Variants in PARD3 observed in about 807,000 individuals in gnomAD.
PARD3 encodes the protein par-3 family cell polarity regulator.
In PARD3, 75 loss-of-function variants were observed where a neutral mutation model predicts 155.4. That is an observed-to-expected ratio of 0.48 (90% CI 0.40 to 0.58). The LOEUF (loss-of-function observed/expected upper bound fraction) is 0.58. Ranked by LOEUF, PARD3 falls within the 20% of genes least tolerant of loss-of-function variation. PARD3 has a pLI of 0.00. For synonymous variants in PARD3, 576 were observed against 610.5 expected (o/e 0.94, Z 0.83); for missense variants, 1,642 against 1,721.7 (o/e 0.95, Z 0.82).
chr10:34,512,374 C>G (rs1195851638), intron 3 of PARD3, among the ~76,000 whole-genome samples: 5 of 152,134 alleles, frequency 3.3e-5, no homozygotes, highest in Non-Finnish European at 7.3e-5. Context: ...CTGTTGCTAT[C>G]TGTATTGATG....
intron 22 of PARD3, among the ~76,000 whole-genome samples, chr10:34,139,833 A>G (rs1948089927): frequency 6.6e-6 from 1 of 152,238 alleles, no homozygotes; most frequent in Non-Finnish European, 1.5e-5. Flanking sequence ...TTGGGGGGAT[A>G]AATGTCACTG....
At chr10:34,383,396 C>A (rs1288306202) in intron 8 of PARD3, among the ~76,000 whole-genome samples, 1 of 149,502 alleles carries the variant, frequency 6.7e-6, no homozygotes, top group Admixed American at 6.6e-5. Flanking sequence ...AAAATACACA[C>A]ACACACACAC....
intron 2 of PARD3, among the ~76,000 whole-genome samples, chr10:34,594,912 C>A (rs964744259): frequency 7.2e-5 from 11 of 152,160 alleles, no homozygotes; most frequent in African/African-American, 2.7e-4. Context: ...TGTGGTACAT[C>A]TTGGCCATGT....
At chr10:34,116,019 A>T (rs911387316) in intron 24 of PARD3, among the ~76,000 whole-genome samples, 1 of 152,220 alleles carries the variant, frequency 6.6e-6, no homozygotes, top group Non-Finnish European at 1.5e-5. Flanking sequence ...CCTATAATTT[A>T]TAATAAAAAA....
chr10:34,456,000 C>T (rs920410912), intron 4 of PARD3, among the ~76,000 whole-genome samples: 1 of 152,132 alleles, frequency 6.6e-6, no homozygotes, highest in Non-Finnish European at 1.5e-5. Flanking sequence ...TAACAGGTTT[C>T]CCCCACATTC....
intron 1 of PARD3, among the ~76,000 whole-genome samples, chr10:34,738,971 T>C (rs1408911965): frequency 6.6e-6 from 1 of 152,184 alleles, no homozygotes; most frequent in Non-Finnish European, 1.5e-5. Flanking sequence ...TAATGATTGA[T>C]ATATCTGAAC....
intron 22 of PARD3, among the ~76,000 whole-genome samples, chr10:34,148,501 TCAC>T (rs1219918873): frequency 6.6e-6 from 1 of 152,216 alleles, no homozygotes; most frequent in African/African-American, 2.4e-5. Flanking sequence ...TTTCATTTTG[TCAC>T]CACAACATTG....
chr10:34,630,443 CTTT>C (rs755155387), intron 2 of PARD3, among the ~76,000 whole-genome samples: 2 of 139,312 alleles, frequency 1.4e-5, no homozygotes, highest in Non-Finnish European at 1.6e-5. Flanking sequence ...CCCTCTCTCT[CTTT>C]TTTTTTTTTT....
rs553495446 is a variant in PARD3 at position 34,616,840 on chromosome 10, TG to T, written c.222+79477del. Among the ~76,000 whole-genome samples, 4 of 145,612 alleles carry T rather than the reference TG, an allele frequency of 2.7e-5. No individual in the cohort carries two copies. In the East Asian group the frequency reaches 8.1e-4, roughly 29 times the overall value. On this transcript the variant is annotated intron_variant, in intron 2 of 24. Transcript: ENST00000374788. ...GTCTCAGCTACTCAGGACACTGAGGTGGAAGAAACATATGAGCATGGGAGGT... is the reference window on the plus strand; with the variant it reads ...GTCTCAGCTACTCAGGACACTGAGGTGAAGAAACATATGAGCATGGGAGGT...
intron 2 of PARD3, among the ~76,000 whole-genome samples, chr10:34,656,445 GGA>G: frequency 6.6e-6 from 1 of 152,284 alleles, no homozygotes; most frequent in Non-Finnish European, 1.5e-5. Flanking sequence ...ACATATGAAA[GGA>G]GAGTGACGTG....
intron 3 of PARD3, among the ~76,000 whole-genome samples, chr10:34,492,225 A>G (rs1257108822): frequency 6.6e-6 from 1 of 152,170 alleles, no homozygotes; most frequent in Non-Finnish European, 1.5e-5. Context: ...TCAACATAAA[A>G]AGAAGAGTCA....
intron 3 of PARD3, among the ~76,000 whole-genome samples, chr10:34,507,550 A>AAAAAAAAAAAAAAAAAC (rs1554880669): frequency 7.7e-6 from 1 of 129,226 alleles, no homozygotes; most frequent in African/African-American, 3.6e-5. Flanking sequence ...TAAAAAAACA[A>AAAAAAAAAAAAAAAAAC]AAAAAAAAAA....
At chr10:34,468,306 A>T (rs534511188) in intron 4 of PARD3, among the ~76,000 whole-genome samples, 270 of 152,366 alleles carry the variant, frequency 1.8e-3, no homozygotes, top group Non-Finnish European at 2.6e-3. Flanking sequence ...AAAATGTTTT[A>T]TGATAAAAAC....
intron 1 of PARD3, among the ~76,000 whole-genome samples, chr10:34,755,588 ATAACC>A (rs1437511696): frequency 1.3e-5 from 2 of 152,266 alleles, no homozygotes; most frequent in Non-Finnish European, 2.9e-5. Context: ...TAGTTAGCAG[ATAACC>A]TAAACTGCCC....
intron 1 of PARD3, among the ~76,000 whole-genome samples, chr10:34,768,558 CTT>C (rs1838422695): frequency 6.6e-6 from 1 of 152,184 alleles, no homozygotes; most frequent in South Asian, 2.1e-4. Context: ...AGAGGGGTGA[CTT>C]TGAATAGAAT....
At position 34,688,929 on chromosome 10, in the gene PARD3, T is replaced by G. The variant is rs116249594; in HGVS notation, c.222+7389A>C. Among the ~76,000 whole-genome samples, 1,002 of 152,286 alleles carry G rather than the reference T, an allele frequency of 6.6e-3. 8 individuals are homozygous for G. Among genetic ancestry groups the G allele is most frequent in the African/African-American group, 0.023 (959 of 41,554 alleles). ...TTTGCATCTTCAAGAGCATCTTCCCTGCTACAGAGGCAGAGCCATTAAAGC... is the reference window on the plus strand; with the variant it reads ...TTTGCATCTTCAAGAGCATCTTCCCGGCTACAGAGGCAGAGCCATTAAAGC... On this transcript the variant is annotated intron_variant, in intron 2 of 24. Transcript: ENST00000374788.
chr10:34,699,674 T>C (rs896154074), intron 1 of PARD3, among the ~76,000 whole-genome samples: 3 of 152,052 alleles, frequency 2.0e-5, no homozygotes, highest in Admixed American at 6.6e-5. Flanking sequence ...GAGCAAAAAA[T>C]TGTGATAAGG....
intron 12 of PARD3, among the ~76,000 whole-genome samples, chr10:34,368,868 A>C (rs1463985117): frequency 6.6e-6 from 1 of 151,308 alleles, no homozygotes; most frequent in Non-Finnish European, 1.5e-5. Flanking sequence ...AAAATCAACA[A>C]GATCTCTTCC....
chr10:34,277,652 G>C (rs1209165429), intron 21 of PARD3, among the ~76,000 whole-genome samples: 1 of 152,090 alleles, frequency 6.6e-6, no homozygotes. Flanking sequence ...ATATATAGTG[G>C]TCCCTTAGAA....
Sources: allele counts gnomAD v4.1 joint callset (sites outside exome capture counted in the v4.1 genomes callset), GRCh38; gene constraint gnomAD v4.1.1; transcripts MANE v1.5; gene names NCBI Gene and HGNC (gene_info 2026-07-23, HGNC 2026-07-21).